Variants in COL4A4 observed in about 807,000 individuals in gnomAD.
COL4A4 encodes the protein collagen alpha-4(IV) chain.
COL4A4 carries 105 observed loss-of-function variants against 192.9 expected under a neutral mutation model. That is an observed-to-expected ratio of 0.54 (90% CI 0.46 to 0.64). The LOEUF (loss-of-function observed/expected upper bound fraction) is 0.64, where lower values mean the gene tolerates loss of function less well. Ranked by LOEUF, COL4A4 falls within the 30% of genes least tolerant of loss-of-function variation. The pLI, the probability that COL4A4 is intolerant of heterozygous loss-of-function variation, is 0.00. For synonymous variants in COL4A4, 762 were observed against 769.9 expected (o/e 0.99, Z 0.17); for missense variants, 1,967 against 2,169.3 (o/e 0.91, Z 1.85).
At chr2:227,043,236 T>C in intron 35 of COL4A4, 52 bp from the exon 36 acceptor site, 1 of 1,446,472 alleles carries the variant, frequency 6.9e-7, no homozygotes, top group Non-Finnish European at 9.7e-7. Context: ...CAGTGAATCT[T>C]TAAAATCACC....
rs976957703 is a variant in COL4A4, at chr2:227,088,664, G to C, written c.1612C>G (p.Pro538Ala). The C allele has an allele frequency of 6.2e-7, 1 of 1,614,108 alleles. No individual in the cohort carries two copies. The highest frequency in any genetic ancestry group is 1.3e-5 in the African/African-American group (1 of 75,012). ...TAAGAGGTACTCACTGGTAGCCCTG[G>C]AGGTCCTTCAGCACCAGGAGGTCCT... is the stretch of plus-strand genomic sequence containing the variant. ...DPGPPGAEGP[P>A]GLPGKHGASG... Residue 538 changes from proline (P) to alanine (A), a missense_variant, in exon 22 of 48, where the codon CCA (proline) becomes GCA (alanine). Transcript: ENST00000396625.
At chr2:226,969,516 A>C in the COL4A4 span, among the ~76,000 whole-genome samples, 1 of 151,860 alleles carries the variant, frequency 6.6e-6, no homozygotes, top group Non-Finnish European at 1.5e-5. Flanking sequence ...AAAGGGAGTT[A>C]AACTACATCC....
chr2:227,103,759 A>T (rs1296149222), intron 13 of COL4A4, among the ~76,000 whole-genome samples: 1 of 152,232 alleles, frequency 6.6e-6, no homozygotes, highest in East Asian at 1.9e-4. Context: ...TCTGCCACTC[A>T]GCAGCTGGGT....
At chr2:227,023,426 A>C (rs937927717) in intron 43 of COL4A4, among the ~76,000 whole-genome samples, 2 of 148,156 alleles carry the variant, frequency 1.3e-5, no homozygotes, top group African/African-American at 5.0e-5. Context: ...TGGGTGACAG[A>C]GCAAGATTCC....
chr2:227,044,068 T>C (rs1345054538), intron 35 of COL4A4, among the ~76,000 whole-genome samples: 2 of 152,330 alleles, frequency 1.3e-5, no homozygotes, highest in Middle Eastern at 3.4e-3. Flanking sequence ...AGTTCTTCTC[T>C]AGTTTTCTAG....
chr2:227,147,413 C>A lies in COL4A4; in HGVS notation c.71G>T (p.Trp24Leu), dbSNP rs1201925443. 1 of 1,613,298 alleles carries A rather than the reference C, an allele frequency of 6.2e-7. No individual in the cohort carries two copies. Among genetic ancestry groups the A allele is most frequent in the East Asian group, 2.2e-5 (1 of 44,880 alleles). Residue 24 changes from tryptophan to leucine, a missense_variant and splice_region_variant, in exon 2 of 48, where the codon TGG (tryptophan) becomes TTG (leucine). Physicochemically the swap from Trp to Leu is moderately conservative, Grantham distance 61. Coordinates refer to ENST00000396625, the MANE Select transcript of COL4A4 (RefSeq NM_000092.5). ...AGGCAATCACACTGAGGATACTCAC[C>A]AGGGACCTGTGGCCAAGGACTTGGT... ...RLTKSLATGP[W>L]SLILILFSVQ...
At chr2:227,077,234 C>G (rs2059071121) in intron 25 of COL4A4, among the ~76,000 whole-genome samples, 1 of 152,180 alleles carries the variant, frequency 6.6e-6, no homozygotes, top group South Asian at 2.1e-4. Flanking sequence ...GACTTGGAAC[C>G]AAACCAAATG....
At chr2:227,054,113 A>G (rs544436015) in intron 31 of COL4A4, among the ~76,000 whole-genome samples, 1 of 152,302 alleles carries the variant, frequency 6.6e-6, no homozygotes, top group African/African-American at 2.4e-5. Context: ...CTTACTGAAA[A>G]TTGTATTTTA....
At position 227,007,419 on chromosome 2, in the gene COL4A4, T is replaced by G; in HGVS notation, c.4979A>C (p.Gln1660Pro). The G allele has an allele frequency of 6.2e-7, 1 of 1,614,222 alleles. No homozygotes were observed. The highest frequency in any genetic ancestry group is 1.1e-5 in the South Asian group (1 of 91,082). Reference sequence around the variant, plus strand: ...GTCTGGTGCTGGAGCAGAGGAAAACTGCAAGTCTGCTTTCACCGTTGTGAG... The same window carrying G: ...GTCTGGTGCTGGAGCAGAGGAAAACGGCAAGTCTGCTTTCACCGTTGTGAG... ...FWLTTVKADL[Q>P]FSSAPAPDTL... Residue 1660 changes from glutamine to proline, a missense_variant, in exon 48 of 48, where the codon CAG becomes CCG. Gln to Pro is a moderately conservative substitution (Grantham distance 76). Coordinates refer to ENST00000396625, the MANE Select transcript of COL4A4 (RefSeq NM_000092.5).
chr2:227,136,936 G>A (rs1054653283), intron 4 of COL4A4, among the ~76,000 whole-genome samples: 2 of 152,076 alleles, frequency 1.3e-5, no homozygotes, highest in Middle Eastern at 3.4e-3. Flanking sequence ...AAGGTTGGCC[G>A]GCTGCTGAGG....
intron 4 of COL4A4, among the ~76,000 whole-genome samples, chr2:227,124,344 G>T (rs903008242): frequency 2.6e-5 from 4 of 152,250 alleles, no homozygotes; most frequent in Non-Finnish European, 5.9e-5. Context: ...CTCATACTTT[G>T]TGTACATCTT....
In COL4A4 at chr2:227,005,382, G is replaced by A. The variant is rs779144758; in HGVS notation, c.*1943C>T. On this transcript the variant is annotated 3_prime_UTR_variant, in exon 48 of 48. Transcript: ENST00000396625. ...ATGAACAGGTTGAACTTTTAGGAGGGTTGACTTTTGGTAATAGATAAAGCT... is the reference window on the plus strand; with the variant it reads ...ATGAACAGGTTGAACTTTTAGGAGGATTGACTTTTGGTAATAGATAAAGCT... 11 of 152,132 alleles carry A rather than the reference G, an allele frequency of 7.2e-5. No homozygotes were observed. The highest frequency in any genetic ancestry group is 1.3e-4 in the Non-Finnish European group (9 of 68,022). 9.4% of individuals were successfully genotyped at this position (152,132 alleles called of 1,614,324 possible).
At position 227,059,422 on chromosome 2, in the gene COL4A4, CCCGGATCA is replaced by C; in HGVS notation, c.2358_2365del (p.Asp787MetfsTer5). On this transcript the variant is annotated frameshift_variant, in exon 28 of 48. Transcript: ENST00000396625. LOFTEE classifies it high-confidence loss of function. ...CCTCATACCTTCAGCCCCTGGACAT[CCCGGATCA>C]CCTCTGGGTCCTTTTATCCCTGGCA... 6.2e-7 allele frequency: 1 copy of C among 1,614,178 alleles called. No individual in the cohort carries two copies. Among genetic ancestry groups the C allele is most frequent in the Non-Finnish European group, 8.5e-7 (1 of 1,180,010 alleles).
chr2:226,986,636 A>G, the COL4A4 span, among the ~76,000 whole-genome samples: 1 of 152,270 alleles, frequency 6.6e-6, no homozygotes, highest in African/African-American at 2.4e-5. Context: ...ATGAGATACC[A>G]TCTCATGCCA....
chr2:226,992,756 G>A, the COL4A4 span, among the ~76,000 whole-genome samples: 1 of 152,206 alleles, frequency 6.6e-6, no homozygotes, highest in African/African-American at 2.4e-5. Context: ...GGCGGGAATG[G>A]TGAGAGGTGC....
chr2:227,040,383 G>C (rs913899372), intron 37 of COL4A4, among the ~76,000 whole-genome samples: 2 of 152,022 alleles, frequency 1.3e-5, no homozygotes, highest in African/African-American at 4.8e-5. Flanking sequence ...TCTCCTATTT[G>C]TCCATTCATT....
At position 227,054,748 on chromosome 2, in the gene COL4A4, G is replaced by A. The variant is rs1359787839; in HGVS notation, c.2717-11C>T. ...GCAGCCCCCGGGGTCCTGGTGAAAT[G>A]AGAGCATAAAGTTTTAGGAAAATAT... On this transcript the variant is annotated splice_polypyrimidine_tract_variant and intron_variant, in intron 30 of 47. Coordinates refer to ENST00000396625, the MANE Select transcript of COL4A4 (RefSeq NM_000092.5). 1.2e-6 allele frequency: 2 copies of A among 1,612,960 alleles called. No homozygotes were observed. The highest frequency in any genetic ancestry group is 1.7e-5 in the Admixed American group (1 of 59,944).
intron 1 of COL4A4, among the ~76,000 whole-genome samples, chr2:227,148,194 C>T (rs1055768697): frequency 2.0e-4 from 30 of 152,162 alleles, no homozygotes; most frequent in Admixed American, 1.1e-3. Flanking sequence ...CACACATAAA[C>T]TTGCACATGA....
At chr2:227,027,472 T>G (rs1418250031) in intron 42 of COL4A4, among the ~76,000 whole-genome samples, 1 of 130,226 alleles carries the variant, frequency 7.7e-6, no homozygotes. Flanking sequence ...CACTGGGGCC[T>G]GTTGTGGAGT....
Sources: gnomAD v4.1 joint callset for allele counts (sites outside exome capture counted in the v4.1 genomes callset) on GRCh38, gnomAD v4.1.1 for gene constraint, MANE v1.5 for transcripts, NCBI Gene and HGNC (gene_info 2026-07-23, HGNC 2026-07-21) for gene names.